Variants in CFAP47 observed in about 807,000 individuals in gnomAD.
CFAP47 encodes the protein cilia- and flagella-associated protein 47.
A neutral mutation model predicts 148.1 loss-of-function variants in CFAP47; 29 were observed. The observed-to-expected ratio is 0.20, with a 90% confidence interval of 0.15 to 0.27. The LOEUF (loss-of-function observed/expected upper bound fraction) is 0.27. CFAP47 is among the 10% of genes least tolerant of loss of function. The pLI, the probability that CFAP47 is intolerant of heterozygous loss-of-function variation, is 1.00. For missense variants in CFAP47, 1,872 were observed against 1,697.5 expected (o/e 1.10, Z -1.81); for synonymous variants, 664 against 577.3 (o/e 1.15, Z -2.15).
At chrX:36,204,324 G>A (rs782018266) in intron 44 of CFAP47, among the ~76,000 whole-genome samples, 9 of 110,306 alleles carry the variant, frequency 8.2e-5, no homozygotes, top group African/African-American at 1.7e-4. Context: ...GCAAACTATC[G>A]CAAGAACAAA....
At chrX:36,177,821 G>A (rs771726469) in intron 39 of CFAP47, among the ~76,000 whole-genome samples, 8 of 111,838 alleles carry the variant, frequency 7.2e-5, no homozygotes, top group Admixed American at 4.8e-4. Flanking sequence ...TCCAGCAATC[G>A]TAATAGTGGG....
chrX:36,068,212 G>C (rs1937676532), intron 27 of CFAP47, among the ~76,000 whole-genome samples: 1 of 111,911 alleles, frequency 8.9e-6, no homozygotes, highest in Non-Finnish European at 1.9e-5. Context: ...AGTTATAGAA[G>C]ATCCCTGCCT....
At chrX:35,924,064 CATATATGT>C (rs1281673809) in intron 1 of CFAP47, among the ~76,000 whole-genome samples, 1 of 84,567 alleles carries the variant, frequency 1.2e-5, no homozygotes, top group African/African-American at 4.8e-5. Flanking sequence ...TGTATGCGCA[CATATATGT>C]ATATATGTAC....
intron 46 of CFAP47, among the ~76,000 whole-genome samples, chrX:36,232,745 G>T (rs1375362446): frequency 9.0e-5 from 10 of 111,362 alleles, no homozygotes; most frequent in Middle Eastern, 4.6e-3. Flanking sequence ...TTCTCTTGTG[G>T]GCATTTAGTG....
intron 33 of CFAP47, among the ~76,000 whole-genome samples, chrX:36,115,529 A>G (rs1056128184): frequency 1.8e-5 from 2 of 111,707 alleles, no homozygotes; most frequent in Admixed American, 1.9e-4. Context: ...AAAATTTGAC[A>G]TAATATGTAC....
chrX:35,951,752 T>C, intron 5 of CFAP47, 51 bp from the exon 6 acceptor site: 1 of 1,029,681 alleles, frequency 9.7e-7, no homozygotes, highest in Non-Finnish European at 1.3e-6. Flanking sequence ...TCCTCAAAAA[T>C]TTTTTTGTGT....
intron 42 of CFAP47, 94 bp from the exon 43 acceptor site, chrX:36,200,285 A>G (rs1939965780): frequency 3.5e-6 from 1 of 282,995 alleles, no homozygotes; most frequent in South Asian, 2.2e-4. Context: ...AATGCATGGT[A>G]GTTCTTACAG....
At chrX:36,083,080 G>T (rs1487827909) in intron 29 of CFAP47, among the ~76,000 whole-genome samples, 1 of 110,768 alleles carries the variant, frequency 9.0e-6, no homozygotes. Flanking sequence ...TTTGGCAGTA[G>T]AGAGTCAGTT....
At position 36,372,190 on chromosome X, in the gene CFAP47, G is replaced by A. The variant is rs188591112; in HGVS notation, c.9185+5063G>A. Reference sequence around the variant, plus strand: ...ATTTATTTCTAACAATAACAATAAAGCTACTTTCTTTAAAAAAAATGATGG... The same window carrying A: ...ATTTATTTCTAACAATAACAATAAAACTACTTTCTTTAAAAAAAATGATGG... On this transcript the variant is annotated intron_variant, in intron 62 of 63. Coordinates refer to ENST00000378653, the MANE Select transcript of CFAP47 (RefSeq NM_001304548.2). Among the ~76,000 whole-genome samples the A allele has an allele frequency of 7.0e-3, 735 of 104,761 alleles. 5 individuals are homozygous for A. Among genetic ancestry groups the A allele is most frequent in the African/African-American group, 0.018 (530 of 29,157 alleles). 91.0% of individuals were successfully genotyped at this position (104,761 alleles called of 115,157 possible).
chrX:36,213,395 A>T (rs1940124362), intron 45 of CFAP47, among the ~76,000 whole-genome samples: 1 of 111,517 alleles, frequency 9.0e-6, no homozygotes, highest in Non-Finnish European at 1.9e-5. Context: ...GGGTACCTGC[A>T]ACAAAATACA....
intron 15 of CFAP47, among the ~76,000 whole-genome samples, chrX:35,979,977 C>T (rs1306970811): frequency 1.2e-4 from 13 of 111,925 alleles, no homozygotes; most frequent in Non-Finnish European, 2.1e-4. Flanking sequence ...ACAACAACCA[C>T]TGTTTGATAC....
At chrX:36,372,220 T>C (rs782168370) in intron 62 of CFAP47, among the ~76,000 whole-genome samples, 1 of 110,019 alleles carries the variant, frequency 9.1e-6, no homozygotes, top group Non-Finnish European at 1.9e-5. Context: ...TGATGGCATA[T>C]AAAGAAAACT....
In CFAP47 at chrX:36,222,341, T is replaced by C. The variant is rs1354889122; in HGVS notation, c.6818-6287T>C. ...TTCTTCTTTTCTTCCTTTCTTTCCTTTTCCTTTCCCCTCTCTCTTCCTATC... is the reference window on the plus strand; with the variant it reads ...TTCTTCTTTTCTTCCTTTCTTTCCTCTTCCTTTCCCCTCTCTCTTCCTATC... On this transcript the variant is annotated intron_variant, in intron 45 of 63. Transcript: ENST00000378653. Among the ~76,000 whole-genome samples the C allele has an allele frequency of 3.7e-5, 4 of 109,502 alleles. No homozygotes were observed. The East Asian group carries it at 1.1e-3, about 31-fold the overall frequency.
intron 27 of CFAP47, 143 bp from the exon 28 acceptor site, chrX:36,071,682 T>G: frequency 2.4e-6 from 1 of 414,439 alleles, no homozygotes; most frequent in Non-Finnish European, 3.8e-6. Flanking sequence ...TGTTTAGACT[T>G]TTTTTTTACT....
intron 2 of CFAP47, among the ~76,000 whole-genome samples, chrX:35,930,636 A>C (rs1356797117): frequency 9.0e-6 from 1 of 111,513 alleles, no homozygotes; most frequent in Non-Finnish European, 1.9e-5. Flanking sequence ...TTATAGGGCT[A>C]TTCATACTGC....
chrX:35,920,103 T>G, intron 1 of CFAP47, 55 bp downstream of exon 1: 1 of 1,114,060 alleles, frequency 9.0e-7, no homozygotes, highest in East Asian at 3.1e-5. Context: ...CTCCTCACAC[T>G]GCGTCTCTCT....
At chrX:35,933,564 T>C (rs1290988078) in intron 2 of CFAP47, among the ~76,000 whole-genome samples, 2 of 112,063 alleles carry the variant, frequency 1.8e-5, no homozygotes, top group African/African-American at 6.5e-5. Flanking sequence ...CTGATTTATT[T>C]TCTTTGGGTA....
At chrX:36,344,821 A>G (rs1556016326) in intron 57 of CFAP47, among the ~76,000 whole-genome samples, 1 of 112,016 alleles carries the variant, frequency 8.9e-6, no homozygotes, top group Non-Finnish European at 1.9e-5. Context: ...TTTTATCTGA[A>G]CATATTTTAA....
rs780261881 is a variant in CFAP47, at chrX:35,989,314, C to T, written c.2714-5C>T. On this transcript the variant is annotated splice_polypyrimidine_tract_variant and splice_region_variant and intron_variant, in intron 15 of 63. Coordinates refer to ENST00000378653, the MANE Select transcript of CFAP47 (RefSeq NM_001304548.2). ...TGTCTTATTTTCTCTCTACATTTTCCGTAGGCACTGTTGAAGCATATTCCT... is the reference window on the plus strand; with the variant it reads ...TGTCTTATTTTCTCTCTACATTTTCTGTAGGCACTGTTGAAGCATATTCCT... 1.3e-5 allele frequency: 15 copies of T among 1,175,480 alleles called. No homozygotes were observed. The Admixed American group carries it at 1.3e-4, about 10-fold the overall frequency.
Sources: gnomAD v4.1 joint callset for allele counts (sites outside exome capture counted in the v4.1 genomes callset) on GRCh38, gnomAD v4.1.1 for gene constraint, MANE v1.5 for transcripts, NCBI Gene and HGNC (gene_info 2026-07-23, HGNC 2026-07-21) for gene names.